The following CHN2 variants were observed in gnomAD, a reference collection of about 807,000 sequenced individuals.
The protein encoded by CHN2 is chimerin 2, also known as beta-chimaerin.
Under a neutral mutation model 56.3 loss-of-function variants are expected in CHN2, and 35 were observed. That is an observed-to-expected ratio of 0.62 (90% CI 0.47 to 0.82). The LOEUF (loss-of-function observed/expected upper bound fraction) is 0.82, where lower values mean the gene tolerates loss of function less well. Ranked by LOEUF, CHN2 falls within the 40% of genes least tolerant of loss-of-function variation. The probability of loss-of-function intolerance (pLI) is 0.00; values close to 1 mark genes in which losing one functional copy is unlikely to be tolerated. For synonymous variants in CHN2, 210 were observed against 212.8 expected (o/e 0.99, Z 0.12); for missense variants, 491 against 580.5 (o/e 0.85, Z 1.58).
chr7:29,320,967 T>C (rs1407494296), intron 1 of CHN2, among the ~76,000 whole-genome samples: 1 of 152,208 alleles, frequency 6.6e-6, no homozygotes, highest in Non-Finnish European at 1.5e-5. Context: ...CTAGGAGCAA[T>C]TGGTAAATTT....
intron 6 of CHN2, among the ~76,000 whole-genome samples, chr7:29,459,490 T>C (rs1269190962): frequency 6.6e-6 from 1 of 152,150 alleles, no homozygotes; most frequent in African/African-American, 2.4e-5. Flanking sequence ...CTGCAGGTTG[T>C]TCATGAGATA....
intron 1 of CHN2, among the ~76,000 whole-genome samples, chr7:29,282,966 C>T (rs973287283): frequency 1.2e-4 from 18 of 152,130 alleles, no homozygotes; most frequent in African/African-American, 2.9e-4. Context: ...GTGGATGGCC[C>T]GAGTGGTAGA....
intron 1 of CHN2, among the ~76,000 whole-genome samples, chr7:29,264,617 A>C (rs545875966): frequency 6.6e-6 from 1 of 152,008 alleles, no homozygotes; most frequent in Non-Finnish European, 1.5e-5. Context: ...AAGGCAGCAT[A>C]CTCGTTAAGG....
intron 1 of CHN2, among the ~76,000 whole-genome samples, chr7:29,316,531 A>G (rs1320682924): frequency 1.3e-5 from 2 of 152,188 alleles, no homozygotes; most frequent in Non-Finnish European, 2.9e-5. Context: ...AGTATCATGC[A>G]GGTTCCTTAG....
intron 1 of CHN2, among the ~76,000 whole-genome samples, chr7:29,223,234 G>A (rs1785937220): frequency 6.6e-6 from 1 of 152,092 alleles, no homozygotes; most frequent in African/African-American, 2.4e-5. Context: ...TTGGTGACTT[G>A]GAGAAAATAA....
intron 1 of CHN2, among the ~76,000 whole-genome samples, chr7:29,328,503 A>G (rs769886044): frequency 5.9e-5 from 9 of 152,180 alleles, no homozygotes; most frequent in Non-Finnish European, 1.0e-4. Flanking sequence ...AGAGGCTTTT[A>G]TACCAACAGT....
At chr7:29,237,085 G>T (rs548352200) in intron 1 of CHN2, among the ~76,000 whole-genome samples, 1 of 152,286 alleles carries the variant, frequency 6.6e-6, no homozygotes, top group East Asian at 1.9e-4. Context: ...CGAAACAGCT[G>T]AAGTGCTTTC....
At chr7:29,271,137 A>G (rs967556084) in intron 1 of CHN2, among the ~76,000 whole-genome samples, 4 of 152,140 alleles carry the variant, frequency 2.6e-5, no homozygotes, top group African/African-American at 9.7e-5. Context: ...GTGGACTGAA[A>G]GGGGTGGAGT....
At chr7:29,388,777 C>T (rs1801134013) in intron 3 of CHN2, among the ~76,000 whole-genome samples, 1 of 152,182 alleles carries the variant, frequency 6.6e-6, no homozygotes, top group South Asian at 2.1e-4. Flanking sequence ...AGAGGATGAA[C>T]ATAGGATGAT....
chr7:29,476,552 A>G (rs1786606845), intron 6 of CHN2, among the ~76,000 whole-genome samples: 2 of 81,862 alleles, frequency 2.4e-5, no homozygotes, highest in African/African-American at 1.3e-4. Flanking sequence ...AAAAACCACC[A>G]ATAAAAATTA....
intron 2 of CHN2, among the ~76,000 whole-genome samples, chr7:29,358,396 T>TA (rs939401899): frequency 8.5e-5 from 13 of 152,152 alleles, no homozygotes; most frequent in African/African-American, 3.1e-4. Context: ...ACCCTGTCTC[T>TA]AAAAAAAATT....
chr7:29,344,766 C>T (rs1797296919), intron 1 of CHN2, among the ~76,000 whole-genome samples: 1 of 152,100 alleles, frequency 6.6e-6, no homozygotes, highest in Admixed American at 6.5e-5. Flanking sequence ...TCTTGAAGGA[C>T]CCTGGACAGG....
rs140708983 is a variant in CHN2 at position 29,255,959 on chromosome 7, G to C, written c.49+60969G>C. ...AAGTTACCAAGCCTCTTACTGGAAT[G>C]CTCTTCCAAATGTAACTTAATCCAA... is the stretch of plus-strand genomic sequence containing the variant. On this transcript the variant is annotated intron_variant, in intron 1 of 12. Transcript: ENST00000222792. Among the ~76,000 whole-genome samples the C allele has an allele frequency of 3.3e-5, 5 of 152,296 alleles. No homozygotes were observed. In the East Asian group the frequency reaches 9.6e-4, roughly 29 times the overall value.
At chr7:29,482,372 G>A (rs376815123) in intron 7 of CHN2, among the ~76,000 whole-genome samples, 1 of 152,170 alleles carries the variant, frequency 6.6e-6, no homozygotes, top group Admixed American at 6.5e-5. Flanking sequence ...GCCAGATGAG[G>A]CATCCCCTTT....
chr7:29,194,386 C>T (rs1041943700), upstream of CHN2: 2 of 152,540 alleles, frequency 1.3e-5, no homozygotes, highest in African/African-American at 4.8e-5. Context: ...GCAGCCGAAC[C>T]ACCCCCCGAG....
At chr7:29,239,514 C>T (rs1250857910) in intron 1 of CHN2, among the ~76,000 whole-genome samples, 1 of 152,086 alleles carries the variant, frequency 6.6e-6, no homozygotes, top group Non-Finnish European at 1.5e-5. Flanking sequence ...ACACACACAC[C>T]CCTCAACAAG....
intron 2 of CHN2, among the ~76,000 whole-genome samples, chr7:29,169,882 A>G (rs188587367): frequency 0.018 from 2,461 of 134,562 alleles, 18 homozygotes; most frequent in Middle Eastern, 0.033. Context: ...GTGTGTGTGT[A>G]TATATATATG....
At chr7:29,392,642 T>C (rs544655644) in intron 3 of CHN2, among the ~76,000 whole-genome samples, 1 of 152,288 alleles carries the variant, frequency 6.6e-6, no homozygotes, top group East Asian at 1.9e-4. Context: ...CCTCTTCCCC[T>C]AGCTCCTAGT....
intron 3 of CHN2, among the ~76,000 whole-genome samples, chr7:29,369,875 T>C (rs1189593568): frequency 6.6e-6 from 1 of 152,214 alleles, no homozygotes; most frequent in Non-Finnish European, 1.5e-5. Context: ...TGTTAAACCA[T>C]GCTCTTCACC....
Sources: allele counts gnomAD v4.1 joint callset (sites outside exome capture counted in the v4.1 genomes callset), GRCh38; gene constraint gnomAD v4.1.1; transcripts MANE v1.5; gene names NCBI Gene and HGNC (gene_info 2026-07-23, HGNC 2026-07-21).